The following PALM2AKAP2 variants were observed in gnomAD, a reference collection of about 807,000 sequenced individuals.
PALM2AKAP2 encodes PALM2 and AKAP2 fusion, also known as PALM2-AKAP2 fusion protein.
In PALM2AKAP2, 37 loss-of-function variants were observed where a neutral mutation model predicts 71.5. The ratio of observed to expected loss-of-function variants is 0.52; its 90% CI spans 0.40 to 0.68. PALM2AKAP2 has a LOEUF of 0.68. Among genes scored for constraint, PALM2AKAP2 ranks in the 30% least tolerant of loss-of-function variants. The pLI, the probability that PALM2AKAP2 is intolerant of heterozygous loss-of-function variation, is 0.00. For missense variants in PALM2AKAP2, 1,224 were observed against 1,191.8 expected (o/e 1.03, Z -0.40); for synonymous variants, 468 against 478.8 (o/e 0.98, Z 0.29).
rs777202417 is a variant in PALM2AKAP2 at position 110,137,054 on chromosome 9, G to A, written c.1084G>A (p.Ala362Thr). The A allele has an allele frequency of 5.6e-6, 9 of 1,609,932 alleles. No homozygotes were observed. In the Admixed American group the frequency reaches 1.5e-4, roughly 27 times the overall value. The change falls in exon 2 of 4, where the codon GCA becomes ACA. Residue 362 changes from alanine (A) to threonine (T), a missense_variant. Physicochemically the swap from Ala to Thr is moderately conservative, Grantham distance 58 (BLOSUM62 0). Transcript: ENST00000374525. The stretch of plus-strand genomic sequence containing the variant: ...GTACAAGGAGCGCAAAGAGAGAAGG[G>A]CACAGCAGGAACAGTTGCTGCTGCA...
intron 1 of PALM2AKAP2, among the ~76,000 whole-genome samples, chr9:110,109,742 A>G (rs773650888): frequency 2.0e-5 from 3 of 152,264 alleles, no homozygotes; most frequent in Admixed American, 6.5e-5. Context: ...GGGCATGCCT[A>G]TGTGGAGGTA....
chr9:109,691,947 TATATATATAC>T (rs1564115084), intron 1 of PALM2AKAP2, among the ~76,000 whole-genome samples: 1 of 140,966 alleles, frequency 7.1e-6, no homozygotes, highest in African/African-American at 2.6e-5. Context: ...TATACACATA[TATATATATAC>T]ATATATATCT....
At chr9:109,680,433 A>T (rs1827711391) in intron 1 of PALM2AKAP2, among the ~76,000 whole-genome samples, 1 of 152,218 alleles carries the variant, frequency 6.6e-6, no homozygotes, top group African/African-American at 2.4e-5. Flanking sequence ...CATTAACTCA[A>T]AGAAAGGTCT....
At chr9:109,713,291 A>G (rs535387499) in intron 1 of PALM2AKAP2, among the ~76,000 whole-genome samples, 2 of 152,294 alleles carry the variant, frequency 1.3e-5, no homozygotes, top group South Asian at 4.1e-4. Context: ...TTCATGCTGC[A>G]GATCAAAGGA....
At chr9:109,800,365 A>G (rs1827389062) in intron 1 of PALM2AKAP2, among the ~76,000 whole-genome samples, 1 of 152,212 alleles carries the variant, frequency 6.6e-6, no homozygotes, top group African/African-American at 2.4e-5. Context: ...CTGTTAGAGG[A>G]ATTCTTATCA....
exon 2 of PALM2AKAP2, chr9:110,137,295 A>G: frequency 6.2e-7 from 1 of 1,614,240 alleles, no homozygotes; most frequent in Non-Finnish European, 8.5e-7. Context: ...TTCTCCATCA[A>G]GCCTTTCTAC....
At chr9:109,748,597 T>C (rs1828837779) in intron 1 of PALM2AKAP2, among the ~76,000 whole-genome samples, 1 of 152,250 alleles carries the variant, frequency 6.6e-6, no homozygotes, top group African/African-American at 2.4e-5. Flanking sequence ...GCAGATTGCA[T>C]GTACTGTCAT....
At chr9:109,811,444 T>A (rs1827723568) in intron 1 of PALM2AKAP2, among the ~76,000 whole-genome samples, 2 of 152,172 alleles carry the variant, frequency 1.3e-5, no homozygotes, top group Non-Finnish European at 2.9e-5. Context: ...CTCCTTATTA[T>A]AAATTCAATC....
intron 3 of PALM2AKAP2, among the ~76,000 whole-genome samples, chr9:109,902,913 T>C (rs756648092): frequency 1.3e-5 from 2 of 152,200 alleles, no homozygotes; most frequent in African/African-American, 4.8e-5. Flanking sequence ...CCCTACTCAG[T>C]TCTCACTCAG....
chr9:109,908,187 T>A (rs1830491115), intron 3 of PALM2AKAP2, among the ~76,000 whole-genome samples: 1 of 152,190 alleles, frequency 6.6e-6, no homozygotes, highest in African/African-American at 2.4e-5. Flanking sequence ...ATCCTGTGTA[T>A]CCTATGGAAA....
At chr9:110,113,810 G>A (rs1452706446) in intron 1 of PALM2AKAP2, among the ~76,000 whole-genome samples, 2 of 152,164 alleles carry the variant, frequency 1.3e-5, no homozygotes, top group Non-Finnish European at 2.9e-5. Flanking sequence ...TGGGATTACA[G>A]ACGTGAGCCA....
rs1205340482 is a variant in PALM2AKAP2 at position 110,132,725 on chromosome 9, C to T, written c.157-3402C>T. On this transcript the variant is annotated intron_variant, in intron 1 of 3. Coordinates refer to ENST00000374525, the Ensembl canonical transcript of PALM2AKAP2. ...CCGCTCTCCAGGTTGAAGCGATTCT[C>T]ATGCCAAGTAGCTGGGATTACAGGT... 5.9e-5 allele frequency among the ~76,000 whole-genome samples: 9 copies of T among 152,080 alleles called. No individual in the cohort carries two copies. The East Asian group carries it at 1.7e-3, about 29-fold the overall frequency.
At chr9:109,760,185 G>T (rs1043643451) in intron 1 of PALM2AKAP2, among the ~76,000 whole-genome samples, 2 of 151,980 alleles carry the variant, frequency 1.3e-5, no homozygotes, top group Admixed American at 1.3e-4. Context: ...ACTCTAAACC[G>T]CAGTACTTTA....
At chr9:110,023,083 G>T (rs1833103452) in intron 7 of PALM2AKAP2, among the ~76,000 whole-genome samples, 1 of 151,334 alleles carries the variant, frequency 6.6e-6, no homozygotes, top group South Asian at 2.1e-4. Flanking sequence ...TAATCCTTTG[G>T]GTATATACCC....
intron 1 of PALM2AKAP2, among the ~76,000 whole-genome samples, chr9:110,079,616 A>G (rs1487135207): frequency 1.3e-5 from 2 of 152,214 alleles, no homozygotes; most frequent in Non-Finnish European, 2.9e-5. Context: ...GATTCAGCCA[A>G]TGACCAGGGC....
chr9:110,089,010 G>A (rs549604820), intron 1 of PALM2AKAP2, among the ~76,000 whole-genome samples: 4 of 152,152 alleles, frequency 2.6e-5, no homozygotes, highest in African/African-American at 9.6e-5. Flanking sequence ...ATGAGCCACC[G>A]CGCCGGCCTA....
intron 1 of PALM2AKAP2, among the ~76,000 whole-genome samples, chr9:109,712,800 C>A (rs1219383081): frequency 2.0e-5 from 3 of 152,224 alleles, no homozygotes; most frequent in African/African-American, 7.2e-5. Flanking sequence ...GCCATAGTTT[C>A]TGCACATTCA....
At chr9:109,897,496 G>A (rs543987690) in intron 3 of PALM2AKAP2, among the ~76,000 whole-genome samples, 68 of 152,086 alleles carry the variant, frequency 4.5e-4, no homozygotes, top group Admixed American at 1.2e-3. Context: ...AGAGAATTGC[G>A]TGAACCCCGG....
chr9:110,026,113 C>T (rs1833178496), intron 7 of PALM2AKAP2, among the ~76,000 whole-genome samples: 3 of 152,070 alleles, frequency 2.0e-5, no homozygotes, highest in Admixed American at 6.6e-5. Context: ...GACAGGGTCT[C>T]GCTATGTCAC....
Sources: allele counts gnomAD v4.1 joint callset (sites outside exome capture counted in the v4.1 genomes callset), GRCh38; gene constraint gnomAD v4.1.1; transcripts MANE v1.5; gene names NCBI Gene and HGNC (gene_info 2026-07-23, HGNC 2026-07-21).